Variants in CRTC3 observed in about 807,000 individuals in gnomAD.
The protein encoded by CRTC3 is CREB regulated transcription coactivator 3, also known as CREB-regulated transcription coactivator 3.
Under a neutral mutation model 74.5 loss-of-function variants are expected in CRTC3, and 26 were observed. The observed-to-expected ratio is 0.35, with a 90% CI of 0.26 to 0.48. CRTC3 has a LOEUF of 0.48. Among genes scored for constraint, CRTC3 ranks in the 20% least tolerant of loss-of-function variants. The pLI is 0.99. For synonymous variants in CRTC3, 377 were observed against 325.8 expected (o/e 1.16, Z -1.69); for missense variants, 760 against 787.3 (o/e 0.97, Z 0.41).
At chr15:90,577,839 C>T (rs78053148) in intron 2 of CRTC3, among the ~76,000 whole-genome samples, 1,817 of 152,226 alleles carry the variant, frequency 0.012, 54 homozygotes, top group East Asian at 0.12. Context: ...CAATGACACA[C>T]AGTTAGATTG....
At chr15:90,567,691 A>AAAATAAATAAATAAATAAAT (rs143830684) in intron 2 of CRTC3, among the ~76,000 whole-genome samples, 13,181 of 145,500 alleles carry the variant, frequency 0.091, 709 homozygotes, top group Non-Finnish European at 0.1. Flanking sequence ...TCCGTCTCAA[A>AAAATAAATAAATAAATAAAT]AAATAAATAA....
chr15:90,615,772 G>T (rs1968476579), intron 7 of CRTC3, among the ~76,000 whole-genome samples: 1 of 152,182 alleles, frequency 6.6e-6, no homozygotes, highest in African/African-American at 2.4e-5. Flanking sequence ...TGAGCTGTGT[G>T]TGATGACACC....
chr15:90,571,108 T>A (rs2151069737), intron 2 of CRTC3, among the ~76,000 whole-genome samples: 1 of 152,370 alleles, frequency 6.6e-6, no homozygotes, highest in South Asian at 2.1e-4. Context: ...TATTGGACAC[T>A]GCGTGTCAGA....
intron 14 of CRTC3, 129 bp downstream of exon 14, chr15:90,641,328 C>G: frequency 3.0e-6 from 2 of 665,682 alleles, no homozygotes; most frequent in Non-Finnish European, 2.6e-6. Flanking sequence ...GTCGACTTGA[C>G]TTTTTGAGAT....
chr15:90,577,896 AG>A (rs947952255), intron 2 of CRTC3, among the ~76,000 whole-genome samples: 4 of 152,094 alleles, frequency 2.6e-5, no homozygotes, highest in Non-Finnish European at 2.9e-5. Context: ...AAGGAAGAAA[AG>A]GGATATTTAT....
chr15:90,535,558 G>C (rs956736624), intron 1 of CRTC3, among the ~76,000 whole-genome samples: 1 of 152,202 alleles, frequency 6.6e-6, no homozygotes, highest in African/African-American at 2.4e-5. Context: ...GCTGTGAAGA[G>C]CAACTTGTGT....
At position 90,538,025 on chromosome 15, in the gene CRTC3, G is replaced by C. The variant is rs1321532562; in HGVS notation, c.133-2014G>C. On this transcript the variant is annotated intron_variant, in intron 1 of 14. Transcript: ENST00000268184. ...ATTTATAACTTAGTTTGGTTGAAGT[G>C]TCAAGGCTTTTGGGTAAGAGTTGAA... Among the ~76,000 whole-genome samples, 11 of 152,340 alleles carry C rather than the reference G, an allele frequency of 7.2e-5. No individual in the cohort carries two copies. The East Asian group carries it at 2.1e-3, about 29-fold the overall frequency.
chr15:90,554,609 C>T (rs764851718), intron 2 of CRTC3, among the ~76,000 whole-genome samples: 3 of 152,242 alleles, frequency 2.0e-5, no homozygotes, highest in Admixed American at 6.5e-5. Context: ...TAGGCTTGGG[C>T]GTCAGCCTGG....
At chr15:90,611,496 G>A (rs1432981908) in intron 6 of CRTC3, among the ~76,000 whole-genome samples, 4 of 152,074 alleles carry the variant, frequency 2.6e-5, no homozygotes, top group Non-Finnish European at 4.4e-5. Flanking sequence ...GTGCTATCTT[G>A]TGGGTTTTTA....
intron 1 of CRTC3, among the ~76,000 whole-genome samples, chr15:90,535,977 C>A (rs1417577693): frequency 6.6e-6 from 1 of 152,136 alleles, no homozygotes; most frequent in Non-Finnish European, 1.5e-5. Flanking sequence ...CTTTAATTTC[C>A]CTCATAAGGA....
intron 2 of CRTC3, among the ~76,000 whole-genome samples, chr15:90,583,030 G>A (rs1369277007): frequency 6.6e-6 from 1 of 151,938 alleles, no homozygotes; most frequent in African/African-American, 2.4e-5. Flanking sequence ...TAGAGATGGG[G>A]TCTCATTATG....
intron 2 of CRTC3, among the ~76,000 whole-genome samples, chr15:90,546,960 C>T (rs1966845358): frequency 6.6e-6 from 1 of 152,200 alleles, no homozygotes; most frequent in African/African-American, 2.4e-5. Context: ...TGCATTGAAT[C>T]TATAGATAGG....
At position 90,642,483 on chromosome 15, in the gene CRTC3, G is replaced by A. The variant is rs574957727; in HGVS notation, c.*343G>A. 2.6e-5 allele frequency: 11 copies of A among 421,928 alleles called. No homozygotes were observed. Among genetic ancestry groups the A allele is most frequent in the South Asian group, 7.3e-5 (3 of 41,108 alleles). 26.1% of individuals were successfully genotyped at this position (421,928 alleles called of 1,614,324 possible). On this transcript the variant is annotated 3_prime_UTR_variant, in exon 15 of 15. Transcript: ENST00000268184. ...AAATACTGTGTCACTGGAGGCCTCC[G>A]TAGCATTGTGTAGTGTGCTCAGAAC... is the stretch of plus-strand genomic sequence containing the variant.
chr15:90,556,344 G>A (rs1022668745), intron 2 of CRTC3, among the ~76,000 whole-genome samples: 7 of 152,032 alleles, frequency 4.6e-5, no homozygotes, highest in South Asian at 2.1e-4. Context: ...TATCGCCACC[G>A]TTGTTAATAG....
intron 2 of CRTC3, among the ~76,000 whole-genome samples, chr15:90,554,295 C>T (rs1284995197): frequency 6.6e-6 from 1 of 151,892 alleles, no homozygotes; most frequent in African/African-American, 2.4e-5. Context: ...CCTCCCTCTC[C>T]TGGGCTCAAG....
rs1969584279 is a variant in CRTC3, at chr15:90,645,287, A to G, written c.*3147A>G. The G allele has an allele frequency of 1.4e-5, 3 of 218,702 alleles. No individual in the cohort carries two copies. Among genetic ancestry groups the G allele is most frequent in the South Asian group, 1.8e-4 (1 of 5,422 alleles). 13.5% of individuals were successfully genotyped at this position (218,702 alleles called of 1,614,324 possible). A position where few individuals can be genotyped will look rare whatever the true frequency, so the allele number is the denominator to read the frequency against. On this transcript the variant is annotated 3_prime_UTR_variant, in exon 15 of 15. Transcript: ENST00000268184. ...TTGTATAAAGTTGCTTCCAAGTTTT[A>G]TAATGCATCATTTTACATCTTTTGT...
intron 11 of CRTC3, among the ~76,000 whole-genome samples, chr15:90,634,183 C>T (rs1268877753): frequency 6.7e-6 from 1 of 150,294 alleles, no homozygotes; most frequent in African/African-American, 2.5e-5. Context: ...GTGATCTCGG[C>T]TCATTGTAAC....
At chr15:90,623,819 G>A (rs939221420) in intron 9 of CRTC3, among the ~76,000 whole-genome samples, 1 of 152,040 alleles carries the variant, frequency 6.6e-6, no homozygotes, top group Non-Finnish European at 1.5e-5. Context: ...CCACTAACCA[G>A]CCCTCCTAAA....
At chr15:90,616,537 G>A (rs1427887058) in intron 7 of CRTC3, among the ~76,000 whole-genome samples, 1 of 152,184 alleles carries the variant, frequency 6.6e-6, no homozygotes, top group East Asian at 1.9e-4. Flanking sequence ...GGCTAAGACA[G>A]GATAGTCATG....
Sources: allele counts gnomAD v4.1 joint callset (sites outside exome capture counted in the v4.1 genomes callset), GRCh38; gene constraint gnomAD v4.1.1; transcripts MANE v1.5; gene names NCBI Gene and HGNC (gene_info 2026-07-23, HGNC 2026-07-21).